Variants in ANKMY1 observed in about 807,000 individuals in gnomAD.
The protein encoded by ANKMY1 is ankyrin repeat and MYND domain containing 1, also known as ankyrin repeat and MYND domain-containing protein 1.
A neutral mutation model predicts 102.0 loss-of-function variants in ANKMY1; 98 were observed. That is an observed-to-expected ratio of 0.96 (90% CI 0.82 to 1.14). The LOEUF (loss-of-function observed/expected upper bound fraction) is 1.14, where lower values mean the gene tolerates loss of function less well. Among genes scored for constraint, ANKMY1 ranks in the 50% most tolerant of loss-of-function variants. The pLI is 0.00. For synonymous variants in ANKMY1, 582 were observed against 559.9 expected (o/e 1.04, Z -0.56); for missense variants, 1,330 against 1,347.6 (o/e 0.99, Z 0.20).
At chr2:240,479,336 A>C, downstream of ANKMY1, 1 of 535,352 alleles carries the variant, frequency 1.9e-6, no homozygotes, top group South Asian at 2.4e-5. Flanking sequence ...TGGGAGGCCA[A>C]GCAAGATCAA....
At chr2:240,539,469 C>T (rs888126803) in intron 4 of ANKMY1, among the ~76,000 whole-genome samples, 2 of 152,224 alleles carry the variant, frequency 1.3e-5, no homozygotes, top group Admixed American at 1.3e-4. Flanking sequence ...AAGGAACAAA[C>T]TCCCGACACA....
At chr2:240,542,530 T>C (rs2089194858) in intron 4 of ANKMY1, among the ~76,000 whole-genome samples, 2 of 151,532 alleles carry the variant, frequency 1.3e-5, no homozygotes, top group African/African-American at 4.8e-5. Context: ...CAAACTGCCA[T>C]GGAAACTGCT....
At chr2:240,501,974 C>T (rs2078263893) in intron 13 of ANKMY1, among the ~76,000 whole-genome samples, 1 of 152,210 alleles carries the variant, frequency 6.6e-6, no homozygotes, top group Admixed American at 6.5e-5. Flanking sequence ...TGCCAAAAGT[C>T]CCATGAGTCG....
In ANKMY1 at chr2:240,557,298, T is replaced by C; in HGVS notation, c.38A>G (p.Glu13Gly). The C allele has an allele frequency of 6.3e-7, 1 of 1,590,048 alleles. No individual in the cohort carries two copies. Among genetic ancestry groups the C allele is most frequent in the Non-Finnish European group, 8.6e-7 (1 of 1,166,928 alleles). ...TTGGCGGCTGCCAGCCCCAGAGACT[T>C]CGTCCTCTAAGCTAAGGGAGGCATG... ...GAHASLSLED[E>G]VSGAGSRQRP... is the part of the protein sequence containing the mutation. Residue 13 changes from glutamate (E) to glycine (G), a missense_variant, in exon 2 of 18, where the codon GAA becomes GGA. By Grantham distance (98) the Glu-to-Gly change is moderately conservative (BLOSUM62 -2). Transcript: ENST00000401804.
At chr2:240,539,163 A>G (rs2087861743) in intron 4 of ANKMY1, among the ~76,000 whole-genome samples, 2 of 152,146 alleles carry the variant, frequency 1.3e-5, no homozygotes, top group African/African-American at 2.4e-5. Flanking sequence ...GCTCTTTGCA[A>G]TACATCTTTC....
chr2:240,521,016 G>A (rs2152325180), intron 8 of ANKMY1, among the ~76,000 whole-genome samples: 1 of 152,176 alleles, frequency 6.6e-6, no homozygotes, highest in South Asian at 2.1e-4. Flanking sequence ...CACCTCTGAG[G>A]GGTCACTGAA....
intron 13 of ANKMY1, among the ~76,000 whole-genome samples, chr2:240,500,993 C>T (rs1442759631): frequency 6.6e-6 from 1 of 152,114 alleles, no homozygotes; most frequent in African/African-American, 2.4e-5. Context: ...CGAGTGCACG[C>T]GTATGCTTGT....
chr2:240,507,539 C>T (rs1247601382), intron 13 of ANKMY1, 21 bp downstream of exon 13: 2 of 1,594,242 alleles, frequency 1.3e-6, no homozygotes, highest in African/African-American at 2.7e-5. Flanking sequence ...ACCAGGGCCA[C>T]CCCAGCCTCC....
In ANKMY1 at chr2:240,554,852, G is replaced by A. The variant is rs575683192; in HGVS notation, c.336+14C>T. The A allele has an allele frequency of 9.2e-5, 148 of 1,613,886 alleles. No homozygotes were observed. The South Asian group carries it at 1.5e-3, about 17-fold the overall frequency. Reference sequence around the variant, plus strand: ...CCCTAGGGGAGGAGGCGGAGAAAGTGTGGAAGCAGTTACCTCGCCTGTGGG... The same window carrying A: ...CCCTAGGGGAGGAGGCGGAGAAAGTATGGAAGCAGTTACCTCGCCTGTGGG... On this transcript the variant is annotated intron_variant, in intron 3 of 17. Coordinates refer to ENST00000401804, the MANE Select transcript of ANKMY1 (RefSeq NM_001282771.3).
chr2:240,477,100 C>T (rs922042928), downstream of ANKMY1, among the ~76,000 whole-genome samples: 1 of 152,134 alleles, frequency 6.6e-6, no homozygotes, highest in Non-Finnish European at 1.5e-5. Flanking sequence ...GGGTGGATCA[C>T]GAGGTCAGGA....
chr2:240,538,278 G>C (rs953301097), intron 4 of ANKMY1, among the ~76,000 whole-genome samples: 2 of 152,122 alleles, frequency 1.3e-5, no homozygotes, highest in Non-Finnish European at 1.5e-5. Flanking sequence ...GGGAGGTGTG[G>C]AGGGAGAGGC....
rs147008970 is a variant in ANKMY1 at position 240,529,210 on chromosome 2, A to G, written c.780T>C (p.Tyr260=). ...GGTGGTCACTGTTGGTCGAGTAGAC[A>G]TACATTTCTGGAGGCAGCGTTAGGT... ...NDNLTLPPEM[Y]VYSTNSDHLP... is the part of the protein sequence containing the mutation. Residue 260 remains tyrosine (Y), a synonymous_variant, in exon 5 of 18, where the codon TAT becomes TAC. Coordinates refer to ENST00000401804, the MANE Select transcript of ANKMY1 (RefSeq NM_001282771.3). This position sits in a 1 kb window ranked among gnomAD's most constrained non-coding sequence, Gnocchi z 4.2. 6.8e-6 allele frequency: 11 copies of G among 1,614,116 alleles called. No homozygotes were observed. Among genetic ancestry groups the G allele is most frequent in the African/African-American group, 5.3e-5 (4 of 74,934 alleles).
chr2:240,555,058 A>G lies in ANKMY1; in HGVS notation c.147-3T>C, dbSNP rs1478227112. On this transcript the variant is annotated splice_polypyrimidine_tract_variant and splice_region_variant and intron_variant, in intron 2 of 17. Coordinates refer to ENST00000401804, the MANE Select transcript of ANKMY1 (RefSeq NM_001282771.3). Reference sequence around the variant, plus strand: ...TCTCAGGGGCTGCTGAAACATCCCTAAAAGGACAGGAGCAGAAGGAGGGAA... The same window carrying G: ...TCTCAGGGGCTGCTGAAACATCCCTGAAAGGACAGGAGCAGAAGGAGGGAA... 1.2e-6 allele frequency: 2 copies of G among 1,613,754 alleles called. No individual in the cohort carries two copies. The highest frequency in any genetic ancestry group is 1.7e-5 in the Admixed American group (1 of 60,008).
chr2:240,525,771 T>C lies in ANKMY1; in HGVS notation c.1249A>G (p.Thr417Ala). 1.2e-6 allele frequency: 2 copies of C among 1,614,086 alleles called. No homozygotes were observed. The highest frequency in any genetic ancestry group is 1.7e-6 in the Non-Finnish European group (2 of 1,179,990). Residue 417 changes from threonine to alanine, a missense_variant, in exon 7 of 18, where the codon ACG (threonine) becomes GCG (alanine). Thr to Ala is a moderately conservative substitution (Grantham distance 58, BLOSUM62 0). Coordinates refer to ENST00000401804, the MANE Select transcript of ANKMY1 (RefSeq NM_001282771.3). ...DVNKCSDEGL[T>A]ALSMCFLLHY... The stretch of plus-strand genomic sequence containing the variant: ...AGGAGGAAACACATGCTGAGTGCCG[T>C]GAGACCCTCATCTGAGCACTTGTTC...
chr2:240,532,892 T>A (rs1216187878), intron 4 of ANKMY1, among the ~76,000 whole-genome samples: 1 of 152,210 alleles, frequency 6.6e-6, no homozygotes, highest in African/African-American at 2.4e-5. Flanking sequence ...TTTTATTTTG[T>A]AGAGATGAGG....
Position 240,535,729 on chromosome 2 carries a change from C to T in ANKMY1, c.481-6220G>A, listed in dbSNP as rs187365814. Among the ~76,000 whole-genome samples, 418 of 152,234 alleles carry T rather than the reference C, an allele frequency of 2.7e-3. 1 individual carries two copies. The highest frequency in any genetic ancestry group is 4.2e-3 in the Non-Finnish European group (283 of 68,008). On this transcript the variant is annotated intron_variant, in intron 4 of 17. Coordinates refer to ENST00000401804, the MANE Select transcript of ANKMY1 (RefSeq NM_001282771.3). ...TTTGTAGGACATGACTCCCTAGACC[C>T]CTTAGGTAGGAATTTGGGCAAGATT...
intron 11 of ANKMY1, among the ~76,000 whole-genome samples, chr2:240,511,105 C>G (rs1291487538): frequency 6.6e-6 from 1 of 152,116 alleles, no homozygotes; most frequent in African/African-American, 2.4e-5. Flanking sequence ...AGCAGGGAGG[C>G]CTGTCAGTGC....
intron 8 of ANKMY1, among the ~76,000 whole-genome samples, chr2:240,521,450 C>G (rs1174933540): frequency 6.9e-6 from 1 of 145,316 alleles, no homozygotes; most frequent in African/African-American, 2.5e-5. Flanking sequence ...GTTGGTCTCG[C>G]TGACTTCAAG....
At chr2:240,535,944 T>C (rs1031966978) in intron 4 of ANKMY1, among the ~76,000 whole-genome samples, 2 of 151,958 alleles carry the variant, frequency 1.3e-5, no homozygotes, top group East Asian at 1.9e-4. Context: ...ATTCTTTTCA[T>C]AAATACAAAA....
Sources: allele counts gnomAD v4.1 joint callset (sites outside exome capture counted in the v4.1 genomes callset), GRCh38; gene constraint gnomAD v4.1.1; non-coding constraint Gnocchi (gnomAD v3.1); transcripts MANE v1.5; gene names NCBI Gene and HGNC (gene_info 2026-07-23, HGNC 2026-07-21).